Variants in WASF3 observed in about 807,000 individuals in gnomAD.
WASF3 encodes the protein WASP family member 3, also known as actin-binding protein WASF3.
A neutral mutation model predicts 46.6 loss-of-function variants in WASF3; 11 were observed. The ratio of observed to expected loss-of-function variants is 0.24; its 90% CI spans 0.15 to 0.39. WASF3 has a LOEUF of 0.39. Ranked by LOEUF, WASF3 falls within the 10% of genes least tolerant of loss-of-function variation. The pLI is 1.00. For synonymous variants in WASF3, 242 were observed against 259.7 expected, an observed-to-expected ratio of 0.93 and a Z score of 0.65; for missense variants, 576 against 669.8, an observed-to-expected ratio of 0.86 and a Z score of 1.55.
chr13:26,547,484 C>A, the WASF3 span, among the ~76,000 whole-genome samples: 11 of 151,920 alleles, frequency 7.2e-5, no homozygotes, highest in Non-Finnish European at 1.5e-4. Context: ...GTGAGCCATA[C>A]CTGAGTTCAC....
intron 4 of WASF3, among the ~76,000 whole-genome samples, chr13:26,666,729 C>G (rs1882783168): frequency 1.3e-5 from 2 of 151,920 alleles, no homozygotes; most frequent in East Asian, 3.9e-4. Context: ...GAAACCCGGT[C>G]TCTACTAAAA....
At chr13:26,653,988 T>G (rs1882394197) in intron 3 of WASF3, among the ~76,000 whole-genome samples, 1 of 152,198 alleles carries the variant, frequency 6.6e-6, no homozygotes, top group African/African-American at 2.4e-5. Context: ...CTTCTTTCTC[T>G]CCTATCAGAG....
intron 3 of WASF3, among the ~76,000 whole-genome samples, chr13:26,657,536 A>T (rs1246048498): frequency 6.6e-6 from 1 of 152,204 alleles, no homozygotes; most frequent in African/African-American, 2.4e-5. Context: ...CCTCAGTAAG[A>T]CTTACAAATA....
intron 2 of WASF3, among the ~76,000 whole-genome samples, chr13:26,627,077 T>C (rs975220235): frequency 6.6e-6 from 1 of 152,178 alleles, no homozygotes; most frequent in African/African-American, 2.4e-5. Context: ...TTGGCTTTAA[T>C]TGGAAGAGTA....
At chr13:26,654,388 C>A (rs139513665) in intron 3 of WASF3, among the ~76,000 whole-genome samples, 80 of 152,306 alleles carry the variant, frequency 5.3e-4, no homozygotes, top group African/African-American at 1.9e-3. Flanking sequence ...CCACCCACTT[C>A]CTTCCACTCT....
chr13:26,640,976 G>A (rs76100374), intron 2 of WASF3: 20,904 of 152,220 alleles, frequency 0.14, 1,599 homozygotes, highest in South Asian at 0.2. Flanking sequence ...TTGGATGGGA[G>A]TAAAAGCCAG....
rs529711830 is a variant in WASF3 at position 26,593,665 on chromosome 13, C to G, written c.-108-19296C>G. Among the ~76,000 whole-genome samples the G allele has an allele frequency of 4.6e-5, 7 of 152,270 alleles. No individual in the cohort carries two copies. The East Asian group carries it at 1.3e-3, about 29-fold the overall frequency. ...CAGTGGAATCCAAGGTCCATAAAAA[C>G]AAGGAATTGTCTGCCTTTTACTGCA... is the stretch of plus-strand genomic sequence containing the variant. On this transcript the variant is annotated intron_variant, in intron 1 of 9. Coordinates refer to ENST00000335327, the MANE Select transcript of WASF3 (RefSeq NM_006646.6).
At chr13:26,577,291 T>C in intron 1 of WASF3, 1 of 745,118 alleles carries the variant, frequency 1.3e-6, no homozygotes, top group South Asian at 1.4e-5. Flanking sequence ...TTGCTTTGTC[T>C]GTTCTGTGTT....
chr13:26,625,424 T>G (rs938483753), intron 2 of WASF3, among the ~76,000 whole-genome samples: 9 of 152,248 alleles, frequency 5.9e-5, no homozygotes, highest in African/African-American at 2.2e-4. Context: ...TGCCAAAGAC[T>G]CGAGGACCTG....
chr13:26,552,512 C>G, the WASF3 span, among the ~76,000 whole-genome samples: 9 of 152,054 alleles, frequency 5.9e-5, no homozygotes, highest in African/African-American at 2.2e-4. Flanking sequence ...AAAATAAATA[C>G]TATCCTTCAG....
rs532379269 is a variant in WASF3, at chr13:26,669,617, G to A, written c.422+1947G>A. ...CAGCCTCTGCCTCCCGGGTTCAAGCGATTCTCCTGCCTCAGCCTCCCAAGT... is the reference window on the plus strand; with the variant it reads ...CAGCCTCTGCCTCCCGGGTTCAAGCAATTCTCCTGCCTCAGCCTCCCAAGT... On this transcript the variant is annotated intron_variant, in intron 5 of 9. Coordinates refer to ENST00000335327, the MANE Select transcript of WASF3 (RefSeq NM_006646.6). Among the ~76,000 whole-genome samples, 9 of 152,134 alleles carry A rather than the reference G, an allele frequency of 5.9e-5. No homozygotes were observed. The South Asian group carries it at 1.5e-3, about 25-fold the overall frequency.
At chr13:26,539,887 T>C in the WASF3 span, among the ~76,000 whole-genome samples, 5 of 152,190 alleles carry the variant, frequency 3.3e-5, no homozygotes, top group African/African-American at 1.2e-4. Context: ...CAGTTGGGTA[T>C]AGACTGGTTA....
chr13:26,559,824 TTTTTTTTTTTG>T (rs1879236608), intron 1 of WASF3, among the ~76,000 whole-genome samples: 1 of 91,758 alleles, frequency 1.1e-5, no homozygotes, highest in Non-Finnish European at 2.4e-5. Flanking sequence ...TTTTTTTTTT[TTTTTTTTTTTG>T]AGACGGAGTC....
At chr13:26,630,062 G>A (rs1881604088) in intron 2 of WASF3, among the ~76,000 whole-genome samples, 1 of 151,848 alleles carries the variant, frequency 6.6e-6, no homozygotes, top group Admixed American at 6.6e-5. Context: ...TTTGAAAAGG[G>A]GCATTTTAAT....
chr13:26,642,503 A>G (rs1305479153), intron 3 of WASF3, 100 bp downstream of exon 3: 4 of 1,368,134 alleles, frequency 2.9e-6, no homozygotes, highest in Middle Eastern at 1.9e-4. Flanking sequence ...TGCAGCTTTA[A>G]GGAAAAGATC....
chr13:26,545,584 ATC>A, the WASF3 span, among the ~76,000 whole-genome samples: 2 of 152,018 alleles, frequency 1.3e-5, no homozygotes, highest in African/African-American at 4.8e-5. Context: ...TATTTATCCT[ATC>A]TCTGTTTATT....
chr13:26,650,540 T>C (rs537138419), intron 3 of WASF3, among the ~76,000 whole-genome samples: 1 of 152,320 alleles, frequency 6.6e-6, no homozygotes, highest in African/African-American at 2.4e-5. Flanking sequence ...ATTAATATGC[T>C]GAGGGATCTA....
At chr13:26,564,900 G>GTTTTTTTTTTTTTTTTTTTTTTTTT (rs66809412) in intron 1 of WASF3, among the ~76,000 whole-genome samples, 10 of 81,634 alleles carry the variant, frequency 1.2e-4, no homozygotes, top group East Asian at 4.2e-4. Context: ...CAAGGTTGTG[G>GTTTTTTTTTTTTTTTTTTTTTTTTT]TTTTTTTTTT....
chr13:26,624,923 TAAAG>T (rs747274786), intron 2 of WASF3, among the ~76,000 whole-genome samples: 1 of 151,916 alleles, frequency 6.6e-6, no homozygotes, highest in Non-Finnish European at 1.5e-5. Context: ...AAAGGCCAAA[TAAAG>T]AATGTTTCAG....
Sources: allele counts gnomAD v4.1 joint callset (sites outside exome capture counted in the v4.1 genomes callset), GRCh38; gene constraint gnomAD v4.1.1; transcripts MANE v1.5; gene names NCBI Gene and HGNC (gene_info 2026-07-23, HGNC 2026-07-21).